Variants in CHD3 observed in about 807,000 individuals in gnomAD.
CHD3 encodes chromodomain helicase DNA binding protein 3, also known as ATP-dependent chromatin remodeler CHD3.
In CHD3, 52 loss-of-function variants were observed where a neutral mutation model predicts 248.9. That is an observed-to-expected ratio of 0.21 (90% CI 0.17 to 0.26). CHD3 has a LOEUF of 0.26. Among genes scored for constraint, CHD3 ranks in the 10% least tolerant of loss-of-function variants. CHD3 has a pLI of 1.00. For synonymous variants in CHD3, 985 were observed against 985.2 expected, an observed-to-expected ratio of 1.00 and a Z score of 0.00; for missense variants, 1,482 against 2,605.8, an observed-to-expected ratio of 0.57 and a Z score of 9.39.
chr17:7,890,899 GC>G (rs1257034958), intron 3 of CHD3, 40 bp from the exon 4 acceptor site: 1 of 1,612,714 alleles, frequency 6.2e-7, no homozygotes, highest in Non-Finnish European at 8.5e-7. Flanking sequence ...TGGAATAGGG[GC>G]TGGAGGAGCA....
At position 7,909,152 on chromosome 17, in the gene CHD3, C is replaced by T; in HGVS notation, c.5404C>T (p.Gln1802Ter). ...FLARRFKLLE[Q>*]ALVIEEQLRR... ...AACTCTGTGCCCTCAGCTCCTGGAGCAGGCGCTGGTGATTGAGGAGCAGCT... is the reference window on the plus strand; with the variant it reads ...AACTCTGTGCCCTCAGCTCCTGGAGTAGGCGCTGGTGATTGAGGAGCAGCT... Residue 1802 changes from glutamine to a stop codon, truncating the protein, a stop_gained, in exon 37 of 40, where the codon CAG becomes TAG. Transcript: ENST00000330494. LOFTEE classifies it high-confidence loss of function. The surrounding 1 kb of genome is among the most constrained non-coding windows in gnomAD (Gnocchi z 8.1). 1 of 1,556,072 alleles carries T rather than the reference C, an allele frequency of 6.4e-7. No homozygotes were observed. The highest frequency in any genetic ancestry group is 8.7e-7 in the Non-Finnish European group (1 of 1,150,542).
rs1206342738 is a variant in CHD3 at position 7,905,179 on chromosome 17, T to G, written c.4138+14T>G. The stretch of plus-strand genomic sequence containing the variant: ...AACGTCCTGAAGGTGGCATCTGTGT[T>G]CCTGACTCTACCTCACCTCTTCCCG... On this transcript the variant is annotated intron_variant, in intron 26 of 39. Coordinates refer to ENST00000330494, the MANE Select transcript of CHD3 (RefSeq NM_001005273.3). This position sits in a 1 kb window ranked among gnomAD's most constrained non-coding sequence, Gnocchi z 5.8. 2 of 1,611,744 alleles carry G rather than the reference T, an allele frequency of 1.2e-6. No homozygotes were observed. The highest frequency in any genetic ancestry group is 1.7e-6 in the Non-Finnish European group (2 of 1,177,948).
At chr17:7,891,297 T>C (rs888487080) in intron 4 of CHD3, among the ~76,000 whole-genome samples, 2 of 152,272 alleles carry the variant, frequency 1.3e-5, no homozygotes, top group South Asian at 4.1e-4. Flanking sequence ...ATGATTCCAG[T>C]GCTGGGTTAG....
Position 7,895,292 on chromosome 17 carries a change from C to G in CHD3, c.1504-47C>G. 1 of 1,604,728 alleles carries G rather than the reference C, an allele frequency of 6.2e-7. No homozygotes were observed. The highest frequency in any genetic ancestry group is 8.5e-7 in the Non-Finnish European group (1 of 1,173,256). The stretch of plus-strand genomic sequence containing the variant: ...CTATCTTCTCATCTAACAATGGGTT[C>G]TTTCTGCCTCTTTCTTTCCTCCTCC... On this transcript the variant is annotated intron_variant, in intron 9 of 39. Transcript: ENST00000330494. The surrounding 1 kb of genome is among the most constrained non-coding windows in gnomAD (Gnocchi z 4.9).
chr17:7,904,642 G>T lies in CHD3; in HGVS notation c.4072+23G>T. On this transcript the variant is annotated intron_variant, in intron 25 of 39. Coordinates refer to ENST00000330494, the MANE Select transcript of CHD3 (RefSeq NM_001005273.3). This position sits in a 1 kb window ranked among gnomAD's most constrained non-coding sequence, Gnocchi z 4.4. ...AAGGTGAGGACTGCCCCAGATGCAG[G>T]CAGTAAAGGGGGGAAGTGATGATGA... 6.2e-7 allele frequency: 1 copy of T among 1,602,492 alleles called. No individual in the cohort carries two copies. Among genetic ancestry groups the T allele is most frequent in the East Asian group, 2.2e-5 (1 of 44,654 alleles).
chr17:7,894,381 T>C, intron 7 of CHD3, 34 bp from the exon 8 acceptor site: 14 of 1,595,182 alleles, frequency 8.8e-6, no homozygotes, highest in Non-Finnish European at 1.2e-5. Flanking sequence ...CCCCCTGCCC[T>C]GCTTCCTTAT....
upstream of CHD3, among the ~76,000 whole-genome samples, chr17:7,885,558 A>G (rs1485361760): frequency 6.7e-6 from 1 of 149,728 alleles, no homozygotes; most frequent in Non-Finnish European, 1.5e-5. Context: ...GGGGAGGGGC[A>G]CGTGGGGGAG....
rs756735238 is a variant in CHD3 at position 7,909,268 on chromosome 17, C to G, written c.5520C>G (p.Ala1840=). Residue 1840 remains alanine, a synonymous_variant, in exon 37 of 40, where the codon GCC becomes GCG. Transcript: ENST00000330494. The surrounding 1 kb of genome is among the most constrained non-coding windows in gnomAD (Gnocchi z 8.1). ...HARFAEAECL[A]ESHQHLSKES... ...GCTTCGCCGAGGCCGAGTGCCTGGC[C>G]GAGAGCCACCAGCACCTCTCCAAGG... The G allele has an allele frequency of 1.3e-6, 2 of 1,556,502 alleles. No homozygotes were observed. The highest frequency in any genetic ancestry group is 1.7e-6 in the Non-Finnish European group (2 of 1,151,794).
In CHD3 at chr17:7,901,315, G is replaced by C; in HGVS notation, c.3192G>C (p.Leu1064=). Residue 1064 remains leucine, a synonymous_variant, in exon 20 of 40, where the codon CTG becomes CTC. Transcript: ENST00000330494. ...TTAAGTCGTCTGGGAAGCTCATGCT[G>C]CTCCAGAAGATGCTGCGAAAGCTGA... The part of the protein sequence containing the change: ...ALIKSSGKLM[L]LQKMLRKLKE... The C allele has an allele frequency of 1.9e-6, 3 of 1,613,976 alleles. No individual in the cohort carries two copies. The highest frequency in any genetic ancestry group is 2.5e-6 in the Non-Finnish European group (3 of 1,179,900).
At chr17:7,901,054 T>C in intron 19 of CHD3, 61 bp downstream of exon 19, 1 of 1,580,258 alleles carries the variant, frequency 6.3e-7, no homozygotes, top group Non-Finnish European at 8.6e-7. Flanking sequence ...GGGTGGGGAG[T>C]AGTGGGGAGG....
chr17:7,897,417 G>A lies in CHD3; in HGVS notation c.1919+123G>A, dbSNP rs1181662511. 6.9e-6 allele frequency: 6 copies of A among 868,158 alleles called. No homozygotes were observed. Among genetic ancestry groups the A allele is most frequent in the African/African-American group, 3.3e-5 (2 of 59,844 alleles). 53.8% of individuals were successfully genotyped at this position (868,158 alleles called of 1,614,324 possible). A position where few individuals can be genotyped will look rare whatever the true frequency, so the allele number is the denominator to read the frequency against. ...TGATCTAACCTTGATAACCTCTGCT[G>A]TAGCTCCAGCCTTTCTGGCCTTGTT... On this transcript the variant is annotated intron_variant, in intron 11 of 39. Transcript: ENST00000330494. This position sits in a 1 kb window ranked among gnomAD's most constrained non-coding sequence, Gnocchi z 4.8.
At position 7,893,949 on chromosome 17, in the gene CHD3, C is replaced by A; in HGVS notation, c.924+14C>A. 2.7e-6 allele frequency: 4 copies of A among 1,460,080 alleles called. No homozygotes were observed. Among genetic ancestry groups the A allele is most frequent in the Non-Finnish European group, 3.7e-6 (4 of 1,091,786 alleles). The allele number at this position is 1,460,080 out of a possible 1,614,324, so 90.4% of individuals were successfully genotyped here. A position where few individuals can be genotyped will look rare whatever the true frequency, so the allele number is the denominator to read the frequency against. ...AAAGGAGGCTCGGTGAGTGACCCGTCCCTGTCTACTAAACACCTGGGGGCC... is the reference window on the plus strand; with the variant it reads ...AAAGGAGGCTCGGTGAGTGACCCGTACCTGTCTACTAAACACCTGGGGGCC... On this transcript the variant is annotated intron_variant, in intron 6 of 39. Transcript: ENST00000330494.
Position 7,907,364 on chromosome 17 carries a change from C to G in CHD3, c.4800C>G (p.Pro1600=), listed in dbSNP as rs139741951. ...GEKMETEADA[P]SPAPSLGERL... ...TTGTCCTCTTCCAGGCTGATGCCCC[C>G]AGCCCAGCCCCATCACTTGGGGAGC... The change falls in exon 32 of 40, where the codon CCC becomes CCG. Residue 1600 remains proline (P), a synonymous_variant. Coordinates refer to ENST00000330494, the MANE Select transcript of CHD3 (RefSeq NM_001005273.3). The surrounding 1 kb of genome is among the most constrained non-coding windows in gnomAD (Gnocchi z 4.3). The G allele has an allele frequency of 1.0e-5, 16 of 1,604,240 alleles. No homozygotes were observed. The African/African-American group carries it at 2.0e-4, about 20-fold the overall frequency.
rs976958964 is a variant in CHD3 at position 7,891,134 on chromosome 17, A to G, written c.509+70A>G. The G allele has an allele frequency of 1.9e-6, 3 of 1,556,668 alleles. No individual in the cohort carries two copies. In the African/African-American group the frequency reaches 4.1e-5, roughly 21 times the overall value. The stretch of plus-strand genomic sequence containing the variant: ...TGAGGGAGGTCCTGGACCCCTTGGA[A>G]TCTGATGAAAGCTATGAAACTGCTC... On this transcript the variant is annotated intron_variant, in intron 4 of 39. Transcript: ENST00000330494.
chr17:7,903,562 T>G lies in CHD3; in HGVS notation c.3727+59T>G. 1 of 1,411,666 alleles carries G rather than the reference T, an allele frequency of 7.1e-7. No individual in the cohort carries two copies. 87.4% of individuals were successfully genotyped at this position (1,411,666 alleles called of 1,614,324 possible). A position where few individuals can be genotyped will look rare whatever the true frequency, so the allele number is the denominator to read the frequency against. On this transcript the variant is annotated intron_variant, in intron 23 of 39. Coordinates refer to ENST00000330494, the MANE Select transcript of CHD3 (RefSeq NM_001005273.3). The surrounding 1 kb of genome is among the most constrained non-coding windows in gnomAD (Gnocchi z 6.8). ...GCCCCTGCTCTCTCAGGAGTACTTA[T>G]CAGCCCCCTGGGGAGAGAAAAACAA...
In CHD3 at chr17:7,900,247, C is replaced by G. The variant is rs367980238; in HGVS notation, c.2683-43C>G. 2.5e-6 allele frequency: 4 copies of G among 1,612,840 alleles called. No homozygotes were observed. The South Asian group carries it at 3.3e-5, about 13-fold the overall frequency. On this transcript the variant is annotated intron_variant, in intron 16 of 39. Coordinates refer to ENST00000330494, the MANE Select transcript of CHD3 (RefSeq NM_001005273.3). This position sits in a 1 kb window ranked among gnomAD's most constrained non-coding sequence, Gnocchi z 6.5. Reference sequence around the variant, plus strand: ...GATGCTGTGGGTCGGTCACTTGTCACTAATAAGCCCATTTTCCTGCCTTGC... The same window carrying G: ...GATGCTGTGGGTCGGTCACTTGTCAGTAATAAGCCCATTTTCCTGCCTTGC...
chr17:7,903,769 A>T lies in CHD3; in HGVS notation c.3728-56A>T. 6.3e-7 allele frequency: 1 copy of T among 1,585,762 alleles called. No homozygotes were observed. Among genetic ancestry groups the T allele is most frequent in the Non-Finnish European group, 8.6e-7 (1 of 1,158,878 alleles). On this transcript the variant is annotated intron_variant, in intron 23 of 39. Coordinates refer to ENST00000330494, the MANE Select transcript of CHD3 (RefSeq NM_001005273.3). The surrounding 1 kb of genome is among the most constrained non-coding windows in gnomAD (Gnocchi z 6.8). ...AAGGACGCAGAGTAGAAGCTTTCCCATCAGCCTTTCTAAACTTTGGAACCC... is the reference window on the plus strand; with the variant it reads ...AAGGACGCAGAGTAGAAGCTTTCCCTTCAGCCTTTCTAAACTTTGGAACCC...
At chr17:7,893,654 GC>G in intron 5 of CHD3, 85 bp downstream of exon 5, 1 of 1,529,198 alleles carries the variant, frequency 6.5e-7, no homozygotes, top group Middle Eastern at 2.4e-4. Flanking sequence ...CGCCTTCCCA[GC>G]CCTGATTGCT....
At chr17:7,898,968 C>A in intron 13 of CHD3, 43 bp from the exon 14 acceptor site, 1 of 1,558,230 alleles carries the variant, frequency 6.4e-7, no homozygotes, top group Non-Finnish European at 8.8e-7. Context: ...CTGGAGGAGC[C>A]GCCGACTATT....
Sources: allele counts gnomAD v4.1 joint callset (sites outside exome capture counted in the v4.1 genomes callset), GRCh38; gene constraint gnomAD v4.1.1; non-coding constraint Gnocchi (gnomAD v3.1); transcripts MANE v1.5; gene names NCBI Gene and HGNC (gene_info 2026-07-23, HGNC 2026-07-21).